Variants in NTM observed in about 807,000 individuals in gnomAD.
NTM encodes the protein IgLON family member 2.
A neutral mutation model predicts 42.1 loss-of-function variants in NTM; 13 were observed. That is an observed-to-expected ratio of 0.31 (90% CI 0.20 to 0.49). The LOEUF is 0.49. Among genes scored for constraint, NTM ranks in the 20% least tolerant of loss-of-function variants. The pLI is 0.99. For missense variants in NTM, 373 were observed against 452.8 expected (o/e 0.82, Z 1.60); for synonymous variants, 187 against 179.2 (o/e 1.04, Z -0.35).
intron 3 of NTM, among the ~76,000 whole-genome samples, chr11:132,147,194 T>C (rs918955221): frequency 6.9e-6 from 1 of 144,122 alleles, no homozygotes; most frequent in Non-Finnish European, 1.5e-5. Context: ...TGTGTGTGTG[T>C]GTGTGTGTGT....
At chr11:131,604,281 A>G (rs1391561556) in intron 1 of NTM, among the ~76,000 whole-genome samples, 2 of 152,182 alleles carry the variant, frequency 1.3e-5, no homozygotes, top group East Asian at 3.9e-4. Context: ...ATGAGTAATG[A>G]TGCATATTTT....
At chr11:132,303,743 G>A in intron 4 of NTM, among the ~76,000 whole-genome samples, 1 of 146,566 alleles carries the variant, frequency 6.8e-6, no homozygotes, top group African/African-American at 2.5e-5. Context: ...AATCTGTGAA[G>A]AACAAATCAT....
rs544402291 is a variant in NTM, at chr11:131,492,366, C to G, written c.82+121478C>G. ...CCAACCCTTGAGTGCATTTCATTTTCTCACATTGTGTATTAATAAATTTCA... is the reference window on the plus strand; with the variant it reads ...CCAACCCTTGAGTGCATTTCATTTTGTCACATTGTGTATTAATAAATTTCA... On this transcript the variant is annotated intron_variant, in intron 1 of 8. Transcript: ENST00000683400. Among the ~76,000 whole-genome samples the G allele has an allele frequency of 3.3e-5, 5 of 151,190 alleles. No individual in the cohort carries two copies. The South Asian group carries it at 6.4e-4, about 19-fold the overall frequency.
intron 4 of NTM, among the ~76,000 whole-genome samples, chr11:132,242,079 G>A (rs558460854): frequency 6.6e-6 from 1 of 152,270 alleles, no homozygotes; most frequent in African/African-American, 2.4e-5. Flanking sequence ...CATCTCATTC[G>A]GTTATTTTTC....
At chr11:132,311,830 A>AAGGATGAGAGAGCTCTCCTCT (rs1341907946) in intron 6 of NTM, among the ~76,000 whole-genome samples, 8 of 152,190 alleles carry the variant, frequency 5.3e-5, no homozygotes, top group Admixed American at 3.9e-4. Context: ...TGGCGAGTAA[A>AAGGATGAGAGAGCTCTCCTCT]AGGATGAGAG....
chr11:132,172,443 C>A (rs566436773), intron 3 of NTM, among the ~76,000 whole-genome samples: 2 of 152,140 alleles, frequency 1.3e-5, no homozygotes, highest in East Asian at 3.9e-4. Context: ...GTGTTCAGAA[C>A]CTACAAGCCT....
intron 1 of NTM, among the ~76,000 whole-genome samples, chr11:131,616,379 G>A (rs10791157): frequency 1.1e-4 from 17 of 151,998 alleles, no homozygotes; most frequent in African/African-American, 3.9e-4. Context: ...GGAAATGACC[G>A]CGGACGGAGG....
At chr11:131,888,061 G>A (rs765111844) in intron 1 of NTM, among the ~76,000 whole-genome samples, 2 of 152,058 alleles carry the variant, frequency 1.3e-5, no homozygotes, top group South Asian at 2.1e-4. Context: ...AATATTTTAC[G>A]AGGCCAAGCT....
chr11:131,821,902 C>T (rs2093205891), intron 1 of NTM, among the ~76,000 whole-genome samples: 1 of 152,190 alleles, frequency 6.6e-6, no homozygotes, highest in African/African-American at 2.4e-5. Flanking sequence ...GCTAGTAAAA[C>T]TAGTTTCTTT....
intron 1 of NTM, among the ~76,000 whole-genome samples, chr11:131,761,903 CCT>C (rs2084272598): frequency 6.6e-6 from 1 of 150,418 alleles, no homozygotes; most frequent in South Asian, 2.1e-4. Context: ...CTCTCTGTCT[CCT>C]CTCTCTGTCT....
intron 1 of NTM, among the ~76,000 whole-genome samples, chr11:131,778,317 G>C (rs1291137617): frequency 2.6e-5 from 4 of 152,186 alleles, no homozygotes; most frequent in Admixed American, 2.6e-4. Context: ...TAAGCTTCCA[G>C]TCTTAATTCA....
At chr11:131,823,399 G>T (rs1176154051) in intron 1 of NTM, among the ~76,000 whole-genome samples, 6 of 152,108 alleles carry the variant, frequency 3.9e-5, no homozygotes, top group Admixed American at 1.3e-4. Context: ...ATTAGAGGGG[G>T]TTAACTGTAT....
intron 1 of NTM, among the ~76,000 whole-genome samples, chr11:131,727,063 A>G (rs1169651183): frequency 6.6e-6 from 1 of 151,262 alleles, no homozygotes; most frequent in African/African-American, 2.5e-5. Context: ...TACACAGCCA[A>G]GTGGAGCAGC....
chr11:131,862,739 G>C (rs950010962), intron 1 of NTM, among the ~76,000 whole-genome samples: 4 of 152,174 alleles, frequency 2.6e-5, no homozygotes, highest in African/African-American at 9.6e-5. Context: ...ATTTATTTTA[G>C]GACAAGATGG....
intron 1 of NTM, among the ~76,000 whole-genome samples, chr11:131,453,551 T>A (rs534254845): frequency 2.6e-4 from 38 of 144,738 alleles, no homozygotes; most frequent in African/African-American, 7.2e-4. Flanking sequence ...TAAAAAAAAA[T>A]AACAAAGAAA....
intron 4 of NTM, among the ~76,000 whole-genome samples, chr11:132,234,254 T>A (rs1364326198): frequency 2.0e-5 from 3 of 152,212 alleles, no homozygotes; most frequent in African/African-American, 7.2e-5. Flanking sequence ...TTCTGTAGCA[T>A]ACAGCATTCT....
At chr11:131,559,014 C>A (rs1268735852) in intron 1 of NTM, among the ~76,000 whole-genome samples, 1 of 152,124 alleles carries the variant, frequency 6.6e-6, no homozygotes, top group African/African-American at 2.4e-5. Flanking sequence ...GTTTATTTTA[C>A]CATGTTTCTG....
intron 2 of NTM, among the ~76,000 whole-genome samples, chr11:132,097,359 G>A (rs2061130746): frequency 6.6e-6 from 1 of 152,178 alleles, no homozygotes; most frequent in African/African-American, 2.4e-5. Flanking sequence ...TCACTTGGCT[G>A]TTGGTGCCAC....
At chr11:132,161,398 C>T (rs1555292017) in intron 3 of NTM, among the ~76,000 whole-genome samples, 1 of 122,472 alleles carries the variant, frequency 8.2e-6, no homozygotes, top group Admixed American at 8.2e-5. Context: ...TTTTTTTTCC[C>T]CACAAAATGT....
Sources: gnomAD v4.1 joint callset for allele counts (sites outside exome capture counted in the v4.1 genomes callset) on GRCh38, gnomAD v4.1.1 for gene constraint, MANE v1.5 for transcripts, NCBI Gene and HGNC (gene_info 2026-07-23, HGNC 2026-07-21) for gene names.